The following CAPN13 variants were observed in gnomAD, a reference collection of about 807,000 sequenced individuals.
The protein encoded by CAPN13 is calpain 13.
Under a neutral mutation model 98.4 loss-of-function variants are expected in CAPN13, and 90 were observed. The observed-to-expected ratio is 0.92, with a 90% CI of 0.77 to 1.09. The LOEUF is 1.09. Among genes scored for constraint, CAPN13 ranks in the 50% least tolerant of loss-of-function variants. The pLI, the probability that CAPN13 is intolerant of heterozygous loss-of-function variation, is 0.00. For synonymous variants in CAPN13, 330 were observed against 305.5 expected (o/e 1.08, Z -0.84); for missense variants, 887 against 841.3 (o/e 1.05, Z -0.67).
At chr2:30,773,218 T>C (rs1673503398) in intron 4 of CAPN13, among the ~76,000 whole-genome samples, 1 of 152,178 alleles carries the variant, frequency 6.6e-6, no homozygotes, top group African/African-American at 2.4e-5. Context: ...TTCTGCAGCA[T>C]TGGAAGCTAC....
At chr2:30,745,670 T>G in intron 12 of CAPN13, 53 bp downstream of exon 12, 2 of 1,589,454 alleles carry the variant, frequency 1.3e-6, no homozygotes, top group South Asian at 2.3e-5. Context: ...GGCCTAACAC[T>G]CCACCAGCAG....
At chr2:30,799,863 G>A (rs183625801) in intron 1 of CAPN13, among the ~76,000 whole-genome samples, 2,195 of 152,218 alleles carry the variant, frequency 0.014, 57 homozygotes, top group African/African-American at 0.05. Flanking sequence ...CACGAGGTCA[G>A]GAGATCGAGA....
At chr2:30,791,942 A>T (rs1156685443) in intron 1 of CAPN13, among the ~76,000 whole-genome samples, 1 of 152,206 alleles carries the variant, frequency 6.6e-6, no homozygotes, top group African/African-American at 2.4e-5. Context: ...CACCTAAATT[A>T]CATCTGCCCA....
chr2:30,799,393 C>T (rs1675053154), intron 1 of CAPN13, among the ~76,000 whole-genome samples: 2 of 152,216 alleles, frequency 1.3e-5, no homozygotes, highest in African/African-American at 4.8e-5. Context: ...ACTTCAGAAT[C>T]ATCTCAGTAA....
chr2:30,756,111 C>A (rs910648731), intron 8 of CAPN13, among the ~76,000 whole-genome samples: 1 of 151,756 alleles, frequency 6.6e-6, no homozygotes, highest in Non-Finnish European at 1.5e-5. Context: ...CTGCTAGATC[C>A]GTCTCCCCCA....
chr2:30,802,549 G>GT, intron 1 of CAPN13, among the ~76,000 whole-genome samples: 2 of 150,424 alleles, frequency 1.3e-5, no homozygotes, highest in Middle Eastern at 6.8e-3. Context: ...GGCTGGGGGG[G>GT]GGGGGTGGTG....
chr2:30,761,550 T>A (rs1179496446), intron 7 of CAPN13, among the ~76,000 whole-genome samples: 1 of 152,162 alleles, frequency 6.6e-6, no homozygotes, highest in Non-Finnish European at 1.5e-5. Context: ...GAATCCCTTC[T>A]CCCCTGTGTT....
intron 5 of CAPN13, 102 bp from the exon 6 acceptor site, chr2:30,764,408 T>A: frequency 7.6e-7 from 1 of 1,318,294 alleles, no homozygotes; most frequent in Non-Finnish European, 1.0e-6. Flanking sequence ...GGTAAGGGGC[T>A]GCCTGGTCCA....
chr2:30,792,435 A>T (rs1029551045), intron 1 of CAPN13, among the ~76,000 whole-genome samples: 1 of 152,122 alleles, frequency 6.6e-6, no homozygotes, highest in Non-Finnish European at 1.5e-5. Flanking sequence ...GAACCACCCA[A>T]TGCCAACAAA....
chr2:30,742,049 C>A, intron 14 of CAPN13, 85 bp from the exon 15 acceptor site: 1 of 1,257,094 alleles, frequency 8.0e-7, no homozygotes, highest in Non-Finnish European at 1.2e-6. Context: ...ACAACCCCTG[C>A]CAAGATCTGA....
intron 17 of CAPN13, 46 bp downstream of exon 17, chr2:30,738,189 A>T (rs1185865665): frequency 6.2e-7 from 1 of 1,607,676 alleles, no homozygotes; most frequent in African/African-American, 1.3e-5. Flanking sequence ...AAGCCCACAG[A>T]GCTGAGGGGT....
intron 2 of CAPN13, among the ~76,000 whole-genome samples, chr2:30,780,587 G>C (rs1409680833): frequency 6.6e-6 from 1 of 151,982 alleles, no homozygotes; most frequent in Admixed American, 6.6e-5. Context: ...GGAACAAAAA[G>C]ATATTTTAAT....
At chr2:30,801,896 T>A (rs1171358439) in intron 1 of CAPN13, among the ~76,000 whole-genome samples, 1 of 152,162 alleles carries the variant, frequency 6.6e-6, no homozygotes, top group Non-Finnish European at 1.5e-5. Context: ...TGTTTTCTTA[T>A]CCCTCAAGAT....
intron 1 of CAPN13, among the ~76,000 whole-genome samples, chr2:30,799,917 C>CA (rs963542375): frequency 1.3e-5 from 2 of 151,642 alleles, no homozygotes; most frequent in African/African-American, 4.8e-5. Context: ...ACTAAAAATA[C>CA]AAAAAAATTA....
chr2:30,742,287 C>A, intron 14 of CAPN13, 39 bp downstream of exon 14: 1 of 1,588,868 alleles, frequency 6.3e-7, no homozygotes, highest in Non-Finnish European at 8.6e-7. Flanking sequence ...TGGGATGGGG[C>A]CAATGAGGCT....
chr2:30,784,962 A>C (rs10183719), intron 2 of CAPN13, among the ~76,000 whole-genome samples: 1 of 152,204 alleles, frequency 6.6e-6, no homozygotes, highest in African/African-American at 2.4e-5. Flanking sequence ...TGCTCTCTGC[A>C]GTCACAGCTG....
intron 8 of CAPN13, 37 bp from the exon 9 acceptor site, chr2:30,754,401 C>T: frequency 1.9e-6 from 3 of 1,559,704 alleles, no homozygotes; most frequent in Non-Finnish European, 2.6e-6. Context: ...GTGAGATTTT[C>T]CAGTGCATTT....
chr2:30,728,272 C>T lies in CAPN13; in HGVS notation c.*30+2458G>A, dbSNP rs139862388. Among the ~76,000 whole-genome samples the T allele has an allele frequency of 4.4e-4, 66 of 151,460 alleles. 1 individual carries two copies. The highest frequency in any genetic ancestry group is 1.3e-3 in the African/African-American group (53 of 41,158). ...GGTGATTGTTGCACACCTCTGACTA[C>T]GCTAAAAACCATTGAACTCTATACT... On this transcript the variant is annotated intron_variant, in intron 22 of 22. Coordinates refer to ENST00000295055, the MANE Select transcript of CAPN13 (RefSeq NM_144575.3).
rs1672164127 is a variant in CAPN13 at position 30,751,261 on chromosome 2, A to G, written c.1088-10T>C. On this transcript the variant is annotated splice_polypyrimidine_tract_variant and intron_variant, in intron 10 of 22. Coordinates refer to ENST00000295055, the MANE Select transcript of CAPN13 (RefSeq NM_144575.3). ...TCATTCCGAGGTCCTCCTGCATCAG[A>G]AAGAGCTGTTACTAGAGCTCAGCTC... is the stretch of plus-strand genomic sequence containing the variant. 6.2e-7 allele frequency: 1 copy of G among 1,613,528 alleles called. No homozygotes were observed. The highest frequency in any genetic ancestry group is 8.5e-7 in the Non-Finnish European group (1 of 1,179,598).
Sources: allele counts gnomAD v4.1 joint callset (sites outside exome capture counted in the v4.1 genomes callset), GRCh38; gene constraint gnomAD v4.1.1; transcripts MANE v1.5; gene names NCBI Gene and HGNC (gene_info 2026-07-23, HGNC 2026-07-21).